Variants in CDKAL1 observed in about 807,000 individuals in gnomAD.
The protein encoded by CDKAL1 is CDKAL1 threonylcarbamoyladenosine tRNA methylthiotransferase, also known as threonylcarbamoyladenosine tRNA methylthiotransferase.
CDKAL1 carries 32 observed loss-of-function variants against 68.2 expected under a neutral mutation model. That is an observed-to-expected ratio of 0.47 (90% CI 0.35 to 0.63). The LOEUF is 0.63. Among genes scored for constraint, CDKAL1 ranks in the 30% least tolerant of loss-of-function variants. The pLI, the probability that CDKAL1 is intolerant of heterozygous loss-of-function variation, is 0.00. For synonymous variants in CDKAL1, 234 were observed against 244.3 expected (o/e 0.96, Z 0.39); for missense variants, 606 against 696.7 (o/e 0.87, Z 1.47).
intron 9 of CDKAL1, among the ~76,000 whole-genome samples, chr6:20,890,307 C>G (rs1485076606): frequency 6.6e-6 from 1 of 152,182 alleles, no homozygotes; most frequent in East Asian, 1.9e-4. Flanking sequence ...GTTGTAGACT[C>G]TAAGCAAGAT....
chr6:20,610,931 T>G (rs1187758874), intron 4 of CDKAL1, among the ~76,000 whole-genome samples: 1 of 152,166 alleles, frequency 6.6e-6, no homozygotes, highest in Non-Finnish European at 1.5e-5. Context: ...TGTCTTAGCC[T>G]CCTGAATAGC....
intron 13 of CDKAL1, among the ~76,000 whole-genome samples, chr6:21,117,211 A>C (rs1384937348): frequency 6.6e-6 from 1 of 152,060 alleles, no homozygotes; most frequent in East Asian, 1.9e-4. Context: ...TCTACTTGGT[A>C]TATAAGTCCT....
intron 13 of CDKAL1, among the ~76,000 whole-genome samples, chr6:21,121,275 C>T (rs181429951): frequency 2.6e-5 from 4 of 152,090 alleles, no homozygotes; most frequent in East Asian, 1.9e-4. Flanking sequence ...TTAAAATCCA[C>T]GTTTTAGAAT....
At chr6:21,147,503 G>C (rs921692004) in intron 13 of CDKAL1, among the ~76,000 whole-genome samples, 1 of 152,168 alleles carries the variant, frequency 6.6e-6, no homozygotes, top group African/African-American at 2.4e-5. Flanking sequence ...TTGTAGCTCT[G>C]TGTCCATTGT....
chr6:20,748,003 C>A (rs1487852972), intron 6 of CDKAL1, among the ~76,000 whole-genome samples: 1 of 152,164 alleles, frequency 6.6e-6, no homozygotes, highest in Non-Finnish European at 1.5e-5. Context: ...GACCTATAAT[C>A]TGGAGCTGAT....
intron 8 of CDKAL1, among the ~76,000 whole-genome samples, chr6:20,797,047 A>C (rs1260946423): frequency 7.2e-5 from 11 of 152,216 alleles, no homozygotes; most frequent in Admixed American, 7.2e-4. Flanking sequence ...CAAAATTAAC[A>C]ACTTTTGCTC....
chr6:20,628,321 T>G (rs148077918), intron 4 of CDKAL1, among the ~76,000 whole-genome samples: 65 of 152,266 alleles, frequency 4.3e-4, no homozygotes, highest in African/African-American at 1.5e-3. Context: ...TGTTGGATAC[T>G]TTGTAGATAT....
At chr6:20,712,188 G>T (rs1771875861) in intron 5 of CDKAL1, among the ~76,000 whole-genome samples, 1 of 152,184 alleles carries the variant, frequency 6.6e-6, no homozygotes, top group Non-Finnish European at 1.5e-5. Flanking sequence ...GAGATGCACA[G>T]AAACCAAGAG....
chr6:20,548,392 G>T (rs1346027402), intron 3 of CDKAL1, among the ~76,000 whole-genome samples: 1 of 151,976 alleles, frequency 6.6e-6, no homozygotes, highest in Non-Finnish European at 1.5e-5. Context: ...AAATTAACAG[G>T]TGTGTTGGTG....
intron 4 of CDKAL1, among the ~76,000 whole-genome samples, chr6:20,574,779 T>C (rs1213026652): frequency 2.6e-5 from 4 of 152,140 alleles, no homozygotes; most frequent in Non-Finnish European, 4.4e-5. Flanking sequence ...GCTTCTGTTT[T>C]ATGGTATGAA....
intron 5 of CDKAL1, among the ~76,000 whole-genome samples, chr6:20,655,511 C>T (rs184441647): frequency 4.6e-5 from 7 of 152,134 alleles, no homozygotes; most frequent in Non-Finnish European, 8.8e-5. Context: ...GAGTGGTAGG[C>T]GAGCAAGCAT....
intron 13 of CDKAL1, among the ~76,000 whole-genome samples, chr6:21,156,068 G>A (rs561797067): frequency 1.9e-4 from 29 of 152,168 alleles, no homozygotes; most frequent in South Asian, 6.2e-4. Context: ...AATGTATTAC[G>A]AGATAACATG....
At chr6:20,748,640 C>G (rs1475028553) in intron 6 of CDKAL1, among the ~76,000 whole-genome samples, 4 of 132,252 alleles carry the variant, frequency 3.0e-5, no homozygotes, top group Admixed American at 8.2e-5. Flanking sequence ...AAAATAGACA[C>G]ATAGACGAAT....
intron 11 of CDKAL1, among the ~76,000 whole-genome samples, chr6:21,014,101 C>G (rs1372238785): frequency 6.6e-6 from 1 of 152,188 alleles, no homozygotes; most frequent in South Asian, 2.1e-4. Flanking sequence ...CCCACCCTAC[C>G]TTGAAGGTTA....
chr6:20,976,995 C>T (rs1367559791), intron 10 of CDKAL1, among the ~76,000 whole-genome samples: 1 of 152,160 alleles, frequency 6.6e-6, no homozygotes, highest in African/African-American at 2.4e-5. Flanking sequence ...ATAATACACT[C>T]ATTTCTCTTG....
intron 13 of CDKAL1, among the ~76,000 whole-genome samples, chr6:21,157,280 C>T (rs1227540585): frequency 6.6e-6 from 1 of 152,156 alleles, no homozygotes; most frequent in Non-Finnish European, 1.5e-5. Flanking sequence ...TAATGGGCAG[C>T]CAGTAAATGT....
At chr6:21,109,943 A>C (rs1312440549) in intron 13 of CDKAL1, among the ~76,000 whole-genome samples, 1 of 152,188 alleles carries the variant, frequency 6.6e-6, no homozygotes. Flanking sequence ...TAGAACTCTT[A>C]ATGGAACCTA....
intron 4 of CDKAL1, among the ~76,000 whole-genome samples, chr6:20,639,670 T>C (rs747735105): frequency 6.6e-6 from 1 of 152,210 alleles, no homozygotes; most frequent in Non-Finnish European, 1.5e-5. Flanking sequence ...ATTTTTATTT[T>C]GTTTTCTTTT....
At chr6:20,679,104 G>A (rs1770256997) in intron 5 of CDKAL1, among the ~76,000 whole-genome samples, 1 of 152,144 alleles carries the variant, frequency 6.6e-6, no homozygotes, top group Non-Finnish European at 1.5e-5. Context: ...TGTAAAGACT[G>A]GGTCTCACTA....
Sources: gnomAD v4.1 joint callset for allele counts (sites outside exome capture counted in the v4.1 genomes callset) on GRCh38, gnomAD v4.1.1 for gene constraint, MANE v1.5 for transcripts, NCBI Gene and HGNC (gene_info 2026-07-23, HGNC 2026-07-21) for gene names.